FAT1: variants seen among roughly 807,000 people sequenced by gnomAD.
The protein encoded by FAT1 is FAT atypical cadherin 1, also known as protocadherin Fat 1.
A neutral mutation model predicts 329.8 loss-of-function variants in FAT1; 171 were observed. That is an observed-to-expected ratio of 0.52 (90% CI 0.46 to 0.59). The LOEUF is 0.59. Among genes scored for constraint, FAT1 ranks in the 20% least tolerant of loss-of-function variants. The probability of loss-of-function intolerance (pLI) is 0.00; values close to 1 mark genes in which losing one functional copy is unlikely to be tolerated. For synonymous variants in FAT1, 2,233 were observed against 2,228.6 expected (o/e 1.00, Z -0.06); for missense variants, 5,672 against 5,774.4 (o/e 0.98, Z 0.57).
chr4:186,624,457 T>A (rs879339687), intron 9 of FAT1, among the ~76,000 whole-genome samples: 2 of 152,180 alleles, frequency 1.3e-5, no homozygotes, highest in Admixed American at 1.3e-4. Flanking sequence ...AATCAATAAG[T>A]ATATTTATTT....
chr4:186,620,332 G>A lies in FAT1; in HGVS notation c.6254C>T (p.Pro2085Leu), dbSNP rs2126514620. 1 of 1,613,968 alleles carries A rather than the reference G, an allele frequency of 6.2e-7. No homozygotes were observed. The highest frequency in any genetic ancestry group is 8.5e-7 in the Non-Finnish European group (1 of 1,179,888). The change falls in exon 10 of 27, where the codon CCC (proline) becomes CTC (leucine). Residue 2085 changes from proline (P) to leucine (L), a missense_variant. By Grantham distance (98) the Pro-to-Leu change is moderately conservative. Around this residue, in one of 2 missense-constraint regions of FAT1, gnomAD observed 3,966 missense variants for 3,915.2 expected, o/e 1.01. Transcript: ENST00000441802. ...GTCCACTTTAACAACGGCGTAGTAG[G>A]GAAGGTTGACAAACACCGGCGCATT... is the stretch of plus-strand genomic sequence containing the variant. ...NDNAPVFVNL[P>L]YYAVVKVDTE...
chr4:186,697,996 G>A (rs1165364633), intron 2 of FAT1, among the ~76,000 whole-genome samples: 1 of 152,156 alleles, frequency 6.6e-6, no homozygotes, highest in Non-Finnish European at 1.5e-5. Context: ...TTTCTGTGAC[G>A]CCAAAACCAT....
intron 9 of FAT1, among the ~76,000 whole-genome samples, chr4:186,624,028 C>T (rs745747388): frequency 2.0e-5 from 3 of 152,116 alleles, no homozygotes; most frequent in African/African-American, 7.2e-5. Flanking sequence ...AAAGCAGCAT[C>T]GTGTTTATGT....
upstream of FAT1, chr4:186,726,553 G>A (rs1745728425): frequency 6.6e-6 from 1 of 152,318 alleles, no homozygotes. Flanking sequence ...TTCCGACCAG[G>A]GCAAACTTAA....
chr4:186,700,536 TC>T (rs1454009903), intron 2 of FAT1, among the ~76,000 whole-genome samples: 4 of 152,260 alleles, frequency 2.6e-5, no homozygotes, highest in African/African-American at 9.6e-5. Context: ...CAAGACTCCT[TC>T]AGGACCAAGC....
intron 2 of FAT1, among the ~76,000 whole-genome samples, chr4:186,693,086 G>A (rs1743862940): frequency 6.6e-6 from 1 of 152,142 alleles, no homozygotes; most frequent in African/African-American, 2.4e-5. Flanking sequence ...AGTTTAAATG[G>A]AAATGTGCTA....
At chr4:186,610,161 A>C in intron 14 of FAT1, 146 bp from the exon 15 acceptor site, 1 of 589,574 alleles carries the variant, frequency 1.7e-6, no homozygotes, top group Middle Eastern at 4.5e-4. Flanking sequence ...TATTTTCTTA[A>C]TTCAACAATT....
At chr4:186,714,445 G>A (rs963652356) in intron 1 of FAT1, among the ~76,000 whole-genome samples, 2 of 152,134 alleles carry the variant, frequency 1.3e-5, no homozygotes, top group African/African-American at 4.8e-5. Flanking sequence ...GAACAGCTAC[G>A]GGCTATCCAA....
Position 186,600,004 on chromosome 4 carries a change from G to T in FAT1, c.11997C>A (p.Ile3999=), listed in dbSNP as rs188825200. 6.2e-7 allele frequency: 1 copy of T among 1,613,834 alleles called. No individual in the cohort carries two copies. Among genetic ancestry groups the T allele is most frequent in the Non-Finnish European group, 8.5e-7 (1 of 1,179,884 alleles). Residue 3999 remains isoleucine, a synonymous_variant, in exon 22 of 27, where the codon ATC becomes ATA. Coordinates refer to ENST00000441802, the MANE Select transcript of FAT1 (RefSeq NM_005245.4). ...CTGGAGATACATCCACCGACTCTTC[G>T]ATGTGTGCATAGCTTCTGGGTTTGC... ...LNSKPRSYAH[I]EESVDVSPGC... is the part of the protein sequence containing the mutation.
At chr4:186,604,644 A>G (rs1739006651) in intron 17 of FAT1, 70 bp from the exon 18 acceptor site, 2 of 975,038 alleles carry the variant, frequency 2.1e-6, no homozygotes, top group East Asian at 2.6e-5. Context: ...GGACAGACAC[A>G]TGAGTTTTCT....
intron 1 of FAT1, among the ~76,000 whole-genome samples, chr4:186,719,494 G>A (rs1044840950): frequency 1.3e-5 from 2 of 151,976 alleles, no homozygotes; most frequent in East Asian, 1.9e-4. Flanking sequence ...TCACCCTTTC[G>A]CCATTGCAAA....
At chr4:186,717,327 G>A (rs1260295825) in intron 1 of FAT1, among the ~76,000 whole-genome samples, 1 of 152,186 alleles carries the variant, frequency 6.6e-6, no homozygotes, top group Non-Finnish European at 1.5e-5. Context: ...GGAGGAAGCT[G>A]TGACCCTAGA....
chr4:186,646,441 T>TA (rs1363818189), intron 3 of FAT1, among the ~76,000 whole-genome samples: 1 of 152,192 alleles, frequency 6.6e-6, no homozygotes, highest in Non-Finnish European at 1.5e-5. Flanking sequence ...TGTTCTATAA[T>TA]TTGCACTGTC....
At chr4:186,721,608 G>A (rs1306971579) in intron 1 of FAT1, among the ~76,000 whole-genome samples, 1 of 152,214 alleles carries the variant, frequency 6.6e-6, no homozygotes, top group African/African-American at 2.4e-5. Flanking sequence ...AGAATCTAAT[G>A]CAATAATAAT....
intron 2 of FAT1, among the ~76,000 whole-genome samples, chr4:186,688,603 T>A (rs570019633): frequency 2.0e-5 from 3 of 151,998 alleles, no homozygotes; most frequent in Non-Finnish European, 2.9e-5. Flanking sequence ...TATTGACGAA[T>A]TCCATTTACC....
At position 186,600,259 on chromosome 4, in the gene FAT1, C is replaced by T. The variant is rs1251110644; in HGVS notation, c.11742G>A (p.Val3914=). The part of the protein sequence containing the change: ...IQVNDGQWHA[V]ALEVNGNYAR... ...CATAGTTTCCATTCACTTCCAGGGC[C>T]ACTGCGTGCCACTGCCCATCATTGA... Residue 3914 remains valine (V), a synonymous_variant, in exon 22 of 27, where the codon GTG becomes GTA. Coordinates refer to ENST00000441802, the MANE Select transcript of FAT1 (RefSeq NM_005245.4). 3.1e-6 allele frequency: 5 copies of T among 1,613,800 alleles called. No individual in the cohort carries two copies. The highest frequency in any genetic ancestry group is 4.2e-6 in the Non-Finnish European group (5 of 1,179,856).
chr4:186,596,825 T>C lies in FAT1; in HGVS notation c.12715A>G (p.Lys4239Glu). The C allele has an allele frequency of 6.2e-7, 1 of 1,614,026 alleles. No individual in the cohort carries two copies. The highest frequency in any genetic ancestry group is 8.5e-7 in the Non-Finnish European group (1 of 1,179,900). ...QRPYFDSKLN[K>E]NIYSDIPPQV... is the part of the protein sequence containing the mutation. ...GGTGGTATGTCTGAGTAAATGTTCT[T>C]ATTTAGCTTGGAATCAAAATACGGT... The change falls in exon 25 of 27, where the codon AAG becomes GAG. Residue 4239 changes from lysine to glutamate, a missense_variant. This residue lies in a region of FAT1 where 1,706 missense variants were observed against 1,859.1 expected (regional missense o/e 0.92). Transcript: ENST00000441802. This position sits in a 1 kb window ranked among gnomAD's most constrained non-coding sequence, Gnocchi z 4.7.
chr4:186,600,832 T>A (rs1738778984), intron 21 of FAT1, among the ~76,000 whole-genome samples: 1 of 152,192 alleles, frequency 6.6e-6, no homozygotes, highest in Non-Finnish European at 1.5e-5. Context: ...TGCCTCAGCC[T>A]CCTGAGTAGC....
At chr4:186,665,055 T>A (rs1372860444) in intron 2 of FAT1, among the ~76,000 whole-genome samples, 1 of 152,202 alleles carries the variant, frequency 6.6e-6, no homozygotes, top group Non-Finnish European at 1.5e-5. Flanking sequence ...CCAAAAGGAC[T>A]CACAACTTGA....
Sources: gnomAD v4.1 joint callset for allele counts (sites outside exome capture counted in the v4.1 genomes callset) on GRCh38, gnomAD v4.1.1 for gene constraint, gnomAD v4.1.1 regional missense constraint, Gnocchi (gnomAD v3.1) non-coding constraint, MANE v1.5 for transcripts, NCBI Gene and HGNC (gene_info 2026-07-23, HGNC 2026-07-21) for gene names.